DOCK1: variants seen among roughly 807,000 people sequenced by gnomAD.
The protein encoded by DOCK1 is dedicator of cytokinesis protein 1.
A neutral mutation model predicts 262.7 loss-of-function variants in DOCK1; 138 were observed. The ratio of observed to expected loss-of-function variants is 0.53; its 90% CI spans 0.46 to 0.61. The LOEUF is 0.61. Among genes scored for constraint, DOCK1 ranks in the 20% least tolerant of loss-of-function variants. The pLI, the probability that DOCK1 is intolerant of heterozygous loss-of-function variation, is 0.00. For missense variants in DOCK1, 1,908 were observed against 2,370.7 expected, an observed-to-expected ratio of 0.80 and a Z score of 4.05; for synonymous variants, 866 against 867.4, an observed-to-expected ratio of 1.00 and a Z score of 0.03.
chr10:127,210,641 C>T (rs2057934416), intron 27 of DOCK1, among the ~76,000 whole-genome samples: 2 of 152,226 alleles, frequency 1.3e-5, no homozygotes, highest in African/African-American at 4.8e-5. Flanking sequence ...TGGGTGGCTC[C>T]AGCCATGGAC....
chr10:127,282,831 T>G (rs924980349), intron 29 of DOCK1, among the ~76,000 whole-genome samples: 1 of 152,200 alleles, frequency 6.6e-6, no homozygotes. Context: ...GCAGCCTTTA[T>G]TTTTCAAAAA....
intron 38 of DOCK1, among the ~76,000 whole-genome samples, chr10:127,401,220 G>A (rs139759736): frequency 6.6e-6 from 1 of 152,214 alleles, no homozygotes; most frequent in East Asian, 1.9e-4. Flanking sequence ...GAACCTTTGG[G>A]GAGATTGATT....
chr10:127,293,666 C>T (rs1185033599), intron 29 of DOCK1, among the ~76,000 whole-genome samples: 1 of 152,228 alleles, frequency 6.6e-6, no homozygotes, highest in Non-Finnish European at 1.5e-5. Context: ...ATGAGGGCGA[C>T]TTGCCTGCCC....
chr10:127,291,915 T>C (rs1225134400), intron 29 of DOCK1, among the ~76,000 whole-genome samples: 1 of 152,156 alleles, frequency 6.6e-6, no homozygotes, highest in Non-Finnish European at 1.5e-5. Context: ...CTGGGCTCCC[T>C]CCGTCCTTCA....
intron 21 of DOCK1, among the ~76,000 whole-genome samples, chr10:127,048,639 G>T (rs1213039792): frequency 1.3e-5 from 2 of 152,142 alleles, no homozygotes; most frequent in Admixed American, 6.5e-5. Context: ...GCCTCGTGTG[G>T]CTATTTAAAT....
At chr10:127,337,658 A>G (rs1454457716) in intron 29 of DOCK1, among the ~76,000 whole-genome samples, 3 of 152,190 alleles carry the variant, frequency 2.0e-5, no homozygotes, top group Non-Finnish European at 2.9e-5. Flanking sequence ...AGTCACTTAG[A>G]AACACTAATT....
intron 27 of DOCK1, among the ~76,000 whole-genome samples, chr10:127,157,767 G>A (rs2053223012): frequency 6.6e-6 from 1 of 152,194 alleles, no homozygotes; most frequent in Non-Finnish European, 1.5e-5. Flanking sequence ...TACCATGAAG[G>A]TGAGGTTTTG....
chr10:127,306,481 G>A (rs1308938308), intron 29 of DOCK1, among the ~76,000 whole-genome samples: 1 of 152,116 alleles, frequency 6.6e-6, no homozygotes, highest in Non-Finnish European at 1.5e-5. Context: ...CCTGCATTTA[G>A]GAGCAGTGAA....
chr10:127,377,375 A>G (rs936643431), intron 35 of DOCK1, among the ~76,000 whole-genome samples: 2 of 152,242 alleles, frequency 1.3e-5, no homozygotes, highest in Non-Finnish European at 2.9e-5. Flanking sequence ...ATATAGATGT[A>G]TACATATTGG....
chr10:127,448,602 G>C (rs2070747480), intron 51 of DOCK1, among the ~76,000 whole-genome samples: 1 of 152,170 alleles, frequency 6.6e-6, no homozygotes, highest in African/African-American at 2.4e-5. Context: ...GCCTCCCCAG[G>C]CCATGTTATT....
chr10:126,937,543 G>T, intron 1 of DOCK1, among the ~76,000 whole-genome samples: 1 of 148,588 alleles, frequency 6.7e-6, no homozygotes, highest in South Asian at 2.1e-4. Context: ...TTTAATCATA[G>T]CCATTCTTAT....
intron 48 of DOCK1, among the ~76,000 whole-genome samples, chr10:127,435,534 T>C (rs1381067060): frequency 5.3e-5 from 8 of 152,226 alleles, no homozygotes; most frequent in African/African-American, 1.9e-4. Flanking sequence ...CATGTGTGCT[T>C]GTCACTTACA....
chr10:127,405,012 G>A (rs757413902), intron 40 of DOCK1, among the ~76,000 whole-genome samples: 8 of 152,206 alleles, frequency 5.3e-5, no homozygotes, highest in Non-Finnish European at 1.0e-4. Context: ...CCAGGTTGTA[G>A]CATGTGTCAG....
At chr10:127,254,719 T>A (rs1235440380) in intron 28 of DOCK1, among the ~76,000 whole-genome samples, 10 of 152,230 alleles carry the variant, frequency 6.6e-5, no homozygotes. Context: ...CTGGTCCTTG[T>A]CCATAATGGT....
intron 47 of DOCK1, among the ~76,000 whole-genome samples, chr10:127,429,646 G>C (rs952730302): frequency 6.6e-5 from 10 of 152,200 alleles, no homozygotes; most frequent in Non-Finnish European, 1.3e-4. Context: ...CTCTGCCTTG[G>C]CTTTCATCGT....
At chr10:127,213,187 G>A (rs1340192182) in intron 27 of DOCK1, among the ~76,000 whole-genome samples, 3 of 152,214 alleles carry the variant, frequency 2.0e-5, no homozygotes, top group Non-Finnish European at 4.4e-5. Context: ...TTGTTGGGAA[G>A]GGAAGAGAGA....
intron 10 of DOCK1, among the ~76,000 whole-genome samples, chr10:127,002,101 G>C (rs2040636849): frequency 6.6e-6 from 1 of 152,128 alleles, no homozygotes; most frequent in East Asian, 1.9e-4. Context: ...ATGTAATCTA[G>C]TGTTATATTT....
At chr10:127,313,394 G>A (rs887883662) in intron 29 of DOCK1, among the ~76,000 whole-genome samples, 1 of 152,148 alleles carries the variant, frequency 6.6e-6, no homozygotes, top group Non-Finnish European at 1.5e-5. Context: ...ATCACTGCTT[G>A]GTACCTTCCA....
rs377093046 is a variant in DOCK1, at chr10:127,304,918, T to C, written c.3045-34088T>C. On this transcript the variant is annotated intron_variant, in intron 29 of 51. Transcript: ENST00000623213. ...AACAACAACAACAAAAAAACTCACA[T>C]AAGTGTACCTTAGGCTTTTTTTGTT... Among the ~76,000 whole-genome samples the C allele has an allele frequency of 2.4e-4, 37 of 152,306 alleles. No homozygotes were observed. The East Asian group carries it at 4.1e-3, about 17-fold the overall frequency.
Sources: gnomAD v4.1 joint callset for allele counts (sites outside exome capture counted in the v4.1 genomes callset) on GRCh38, gnomAD v4.1.1 for gene constraint, MANE v1.5 for transcripts, NCBI Gene and HGNC (gene_info 2026-07-23, HGNC 2026-07-21) for gene names.